RASGRP1: variants seen among roughly 807,000 people sequenced by gnomAD.
RASGRP1 encodes the protein RAS guanyl releasing protein 1.
RASGRP1 carries 37 observed loss-of-function variants against 95.1 expected under a neutral mutation model. That is an observed-to-expected ratio of 0.39 (90% CI 0.30 to 0.51). The LOEUF (loss-of-function observed/expected upper bound fraction) is 0.51, where lower values mean the gene tolerates loss of function less well. Ranked by LOEUF, RASGRP1 falls within the 20% of genes least tolerant of loss-of-function variation. The pLI is 0.80. For missense variants in RASGRP1, 711 were observed against 965.4 expected, an observed-to-expected ratio of 0.74 and a Z score of 3.49; for synonymous variants, 325 against 353.4, an observed-to-expected ratio of 0.92 and a Z score of 0.90.
At chr15:38,518,181 G>C in intron 5 of RASGRP1, 111 bp downstream of exon 5, 3 of 1,018,774 alleles carry the variant, frequency 2.9e-6, no homozygotes, top group Non-Finnish European at 4.4e-6. Flanking sequence ...TTCTCAGAGT[G>C]GAGAAAGAGA....
intron 2 of RASGRP1, among the ~76,000 whole-genome samples, chr15:38,550,242 C>CAAAAAAA (rs56383365): frequency 1.0e-4 from 9 of 88,950 alleles, no homozygotes; most frequent in African/African-American, 3.0e-4. Context: ...ACTCTGTCGC[C>CAAAAAAA]AAAAAAAAAA....
chr15:38,556,300 T>C (rs1893549625), intron 2 of RASGRP1, among the ~76,000 whole-genome samples: 1 of 152,218 alleles, frequency 6.6e-6, no homozygotes, highest in South Asian at 2.1e-4. Flanking sequence ...TGTAACCTTG[T>C]ATGTGACACT....
Position 38,512,969 on chromosome 15 carries a change from A to AAAC in RASGRP1, c.676-16_676-14dup, listed in dbSNP as rs1032005991. ...GATAATCAGAGAACTGCAGGAAAAG[A>AAAC]AACAACAACAACAAAAAAAACCTAT... On this transcript the variant is annotated splice_polypyrimidine_tract_variant and intron_variant, in intron 6 of 16. Coordinates refer to ENST00000310803, the MANE Select transcript of RASGRP1 (RefSeq NM_005739.4). 1 of 1,495,212 alleles carries AAAC rather than the reference A, an allele frequency of 6.7e-7. No individual in the cohort carries two copies. 92.6% of individuals were successfully genotyped at this position (1,495,212 alleles called of 1,614,324 possible). A position where few individuals can be genotyped will look rare whatever the true frequency, so the allele number is the denominator to read the frequency against.
chr15:38,530,818 G>A (rs1892404584), intron 2 of RASGRP1, among the ~76,000 whole-genome samples: 1 of 152,210 alleles, frequency 6.6e-6, no homozygotes, highest in African/African-American at 2.4e-5. Context: ...GGTTTACCAT[G>A]AAGAAAACTT....
At chr15:38,551,887 C>T (rs1893353138) in intron 2 of RASGRP1, among the ~76,000 whole-genome samples, 1 of 152,130 alleles carries the variant, frequency 6.6e-6, no homozygotes, top group African/African-American at 2.4e-5. Context: ...CTTATGAAAA[C>T]ATACTCAACA....
intron 15 of RASGRP1, 73 bp downstream of exon 15, chr15:38,498,721 T>C (rs1890895576): frequency 5.2e-6 from 8 of 1,540,618 alleles, no homozygotes; most frequent in Non-Finnish European, 8.8e-7. Context: ...AGTCATGAGG[T>C]AATCTTTCCG....
At chr15:38,525,553 A>G (rs1892184858) in intron 3 of RASGRP1, among the ~76,000 whole-genome samples, 1 of 152,210 alleles carries the variant, frequency 6.6e-6, no homozygotes, top group Non-Finnish European at 1.5e-5. Flanking sequence ...GAAGGGATTC[A>G]GTCCTGATGG....
intron 14 of RASGRP1, 31 bp downstream of exon 14, chr15:38,500,072 C>T (rs1396055962): frequency 1.2e-6 from 2 of 1,607,376 alleles, no homozygotes; most frequent in African/African-American, 2.7e-5. Flanking sequence ...GACTGATACA[C>T]CAGGAATATG....
At chr15:38,523,287 C>T (rs1477782097) in intron 3 of RASGRP1, among the ~76,000 whole-genome samples, 1 of 152,196 alleles carries the variant, frequency 6.6e-6, no homozygotes, top group Middle Eastern at 3.2e-3. Context: ...CCTATTGCCT[C>T]ATCCTGTCTT....
chr15:38,545,850 T>C (rs1893084739), intron 2 of RASGRP1, among the ~76,000 whole-genome samples: 2 of 152,224 alleles, frequency 1.3e-5, no homozygotes, highest in Admixed American at 1.3e-4. Context: ...CCAAAGATAG[T>C]TCTGGTTGGA....
rs1173643361 is a variant in RASGRP1, at chr15:38,503,894, T to G, written c.1324-518A>C. On this transcript the variant is annotated intron_variant, in intron 10 of 16. Coordinates refer to ENST00000310803, the MANE Select transcript of RASGRP1 (RefSeq NM_005739.4). The stretch of plus-strand genomic sequence containing the variant: ...GTCATGAGGTGATTTTGTCATTGTA[T>G]GAGCACCACAGTGTGTACTTACACA... 6 of 186,004 alleles carry G rather than the reference T, an allele frequency of 3.2e-5. No homozygotes were observed. In the Admixed American group the frequency reaches 3.6e-4, roughly 11 times the overall value. The allele number at this position is 186,004 out of a possible 1,614,324, so 11.5% of individuals were successfully genotyped here. A position where few individuals can be genotyped will look rare whatever the true frequency, so the allele number is the denominator to read the frequency against.
In RASGRP1 at chr15:38,522,771, C is replaced by T. The variant is rs151156498; in HGVS notation, c.327-3400G>A. Among the ~76,000 whole-genome samples, 321 of 152,094 alleles carry T rather than the reference C, an allele frequency of 2.1e-3. 1 individual carries two copies. Among genetic ancestry groups the T allele is most frequent in the African/African-American group, 7.3e-3 (303 of 41,500 alleles). ...AGGGAAAGGGTTTCTCAGAGAGCTACGGAATGAAGCAGGAAAAACTCGCTG... is the reference window on the plus strand; with the variant it reads ...AGGGAAAGGGTTTCTCAGAGAGCTATGGAATGAAGCAGGAAAAACTCGCTG... On this transcript the variant is annotated intron_variant, in intron 3 of 16. Transcript: ENST00000310803.
chr15:38,552,003 T>C (rs1361264614), intron 2 of RASGRP1, among the ~76,000 whole-genome samples: 1 of 152,188 alleles, frequency 6.6e-6, no homozygotes. Flanking sequence ...TAGCATATAA[T>C]ACATGAAGAA....
At chr15:38,519,224 G>T in intron 4 of RASGRP1, 85 bp downstream of exon 4, 1 of 1,145,826 alleles carries the variant, frequency 8.7e-7, no homozygotes, top group East Asian at 2.4e-5. Context: ...TTCTATAGAG[G>T]TCAGGAAAGG....
Position 38,560,038 on chromosome 15 carries a change from A to C in RASGRP1, c.36-33T>G. 3 of 1,551,710 alleles carry C rather than the reference A, an allele frequency of 1.9e-6. No individual in the cohort carries two copies. In the South Asian group the frequency reaches 3.4e-5, roughly 18 times the overall value. ...AAGAGAGAAGGCAGTGAGGGGACAA[A>C]CGGGCAGCTCCACGCTCTGAAGGCA... On this transcript the variant is annotated intron_variant, in intron 1 of 16. Transcript: ENST00000310803.
intron 12 of RASGRP1, 66 bp from the exon 13 acceptor site, chr15:38,501,353 G>C (rs988316005): frequency 3.9e-6 from 6 of 1,554,588 alleles, no homozygotes; most frequent in Non-Finnish European, 5.3e-6. Context: ...GCAAGGGGGG[G>C]CTTCTAGCCT....
At chr15:38,515,062 A>G (rs1297404074) in intron 6 of RASGRP1, among the ~76,000 whole-genome samples, 1 of 152,196 alleles carries the variant, frequency 6.6e-6, no homozygotes, top group African/African-American at 2.4e-5. Flanking sequence ...TGAGTGACCA[A>G]ACAGCTGCGT....
chr15:38,525,684 C>T (rs1892191193), intron 3 of RASGRP1, among the ~76,000 whole-genome samples: 1 of 152,198 alleles, frequency 6.6e-6, no homozygotes, highest in Non-Finnish European at 1.5e-5. Context: ...GCTAAACGGT[C>T]TCACTCCGCC....
chr15:38,557,633 A>G lies in RASGRP1; in HGVS notation c.220+2188T>C, dbSNP rs58711961. Among the ~76,000 whole-genome samples the G allele has an allele frequency of 7.7e-3, 915 of 118,582 alleles. 8 individuals are homozygous for G. The highest frequency in any genetic ancestry group is 0.028 in the African/African-American group (849 of 30,516). The allele number at this position is 118,582 out of a possible 152,430, so 77.8% of individuals were successfully genotyped here. On this transcript the variant is annotated intron_variant, in intron 2 of 16. Coordinates refer to ENST00000310803, the MANE Select transcript of RASGRP1 (RefSeq NM_005739.4). ...TGTGTGTGTGTGTGTGTGTGTGTAT[A>G]TATATATATATATTTCCTGAACAGT...
Sources: allele counts gnomAD v4.1 joint callset (sites outside exome capture counted in the v4.1 genomes callset), GRCh38; gene constraint gnomAD v4.1.1; transcripts MANE v1.5; gene names NCBI Gene and HGNC (gene_info 2026-07-23, HGNC 2026-07-21).